EHD4: variants seen among roughly 807,000 people sequenced by gnomAD.
EHD4 encodes EH domain containing 4, also known as EH domain-containing protein 4.
In EHD4, 37 loss-of-function variants were observed where a neutral mutation model predicts 51.0. The ratio of observed to expected loss-of-function variants is 0.73; its 90% confidence interval spans 0.56 to 0.95. EHD4 has a LOEUF of 0.95. Among genes scored for constraint, EHD4 ranks in the 40% least tolerant of loss-of-function variants. EHD4 has a pLI of 0.00. For missense variants in EHD4, 632 were observed against 733.1 expected (o/e 0.86, Z 1.59); for synonymous variants, 297 against 317.3 (o/e 0.94, Z 0.68).
chr15:41,952,716 G>A (rs2067860270), intron 2 of EHD4, among the ~76,000 whole-genome samples: 1 of 152,150 alleles, frequency 6.6e-6, no homozygotes, highest in Non-Finnish European at 1.5e-5. Flanking sequence ...TAGGCTGGGT[G>A]TGGTGGCTCA....
chr15:41,913,438 G>A (rs1289022972), intron 4 of EHD4, among the ~76,000 whole-genome samples: 1 of 152,234 alleles, frequency 6.6e-6, no homozygotes, highest in Non-Finnish European at 1.5e-5. Flanking sequence ...TAGACCTGGA[G>A]CTTGAAGATG....
intron 1 of EHD4, among the ~76,000 whole-genome samples, chr15:41,970,253 A>G (rs1049024530): frequency 2.0e-5 from 3 of 152,180 alleles, no homozygotes; most frequent in African/African-American, 7.2e-5. Context: ...ATTTTCTTCT[A>G]ACCTCACTGG....
intron 3 of EHD4, among the ~76,000 whole-genome samples, chr15:41,931,028 G>A (rs1332883883): frequency 5.9e-5 from 9 of 152,102 alleles, no homozygotes; most frequent in African/African-American, 2.2e-4. Flanking sequence ...CTTCTACAGT[G>A]GCATTTTTGG....
At chr15:41,949,096 A>T (rs2141002596) in intron 2 of EHD4, among the ~76,000 whole-genome samples, 1 of 147,198 alleles carries the variant, frequency 6.8e-6, no homozygotes, top group Non-Finnish European at 1.5e-5. Flanking sequence ...TTGGCCAGGC[A>T]TGGTGGCTCA....
chr15:41,968,004 G>A (rs961736224), intron 1 of EHD4, among the ~76,000 whole-genome samples: 3 of 152,132 alleles, frequency 2.0e-5, no homozygotes, highest in African/African-American at 7.2e-5. Context: ...TGCCATCTCT[G>A]GGGCATTTTC....
At chr15:41,906,519 A>G (rs918470177) in intron 5 of EHD4, among the ~76,000 whole-genome samples, 2 of 152,190 alleles carry the variant, frequency 1.3e-5, no homozygotes, top group Non-Finnish European at 2.9e-5. Flanking sequence ...GGACCCACCA[A>G]ACGCAGGTAC....
chr15:41,929,701 C>G (rs1390358573), intron 3 of EHD4, among the ~76,000 whole-genome samples: 6 of 152,220 alleles, frequency 3.9e-5, no homozygotes, highest in Non-Finnish European at 1.5e-5. Context: ...TTTCATTCTG[C>G]TGGGCCTCAG....
intron 3 of EHD4, among the ~76,000 whole-genome samples, chr15:41,939,539 A>T (rs1416340706): frequency 6.6e-6 from 1 of 152,108 alleles, no homozygotes; most frequent in Non-Finnish European, 1.5e-5. Context: ...TTATCATTTT[A>T]ACATTTATAT....
chr15:41,953,173 T>C (rs2067864453), intron 2 of EHD4, among the ~76,000 whole-genome samples: 1 of 151,716 alleles, frequency 6.6e-6, no homozygotes, highest in African/African-American at 2.4e-5. Context: ...GTGGGTAAAA[T>C]CCGAGTGTCC....
At chr15:41,962,722 C>T (rs1172249431) in intron 1 of EHD4, among the ~76,000 whole-genome samples, 4 of 152,054 alleles carry the variant, frequency 2.6e-5, no homozygotes, top group East Asian at 1.9e-4. Flanking sequence ...AGGTGGGGGG[C>T]GCCTCTGCCC....
chr15:41,904,202 C>T (rs973659727), intron 5 of EHD4, among the ~76,000 whole-genome samples: 1 of 152,204 alleles, frequency 6.6e-6, no homozygotes, highest in African/African-American at 2.4e-5. Flanking sequence ...CCTGCCCAAA[C>T]TTCCCACCAG....
At chr15:41,958,298 C>T (rs1383184734) in intron 1 of EHD4, among the ~76,000 whole-genome samples, 1 of 152,000 alleles carries the variant, frequency 6.6e-6, no homozygotes, top group African/African-American at 2.4e-5. Context: ...AAGCCAGCCA[C>T]ATAAAAAGGT....
rs1042010593 is a variant in EHD4 at position 41,931,212 on chromosome 15, G to C, written c.512-11590C>G. ...TTTATCATGTCCAACATGTTGTTTT[G>C]AAATATGTATACACTGAGGCTGGGT... On this transcript the variant is annotated intron_variant, in intron 3 of 5. Coordinates refer to ENST00000220325, the MANE Select transcript of EHD4 (RefSeq NM_139265.4). Among the ~76,000 whole-genome samples, 4 of 152,092 alleles carry C rather than the reference G, an allele frequency of 2.6e-5. No individual in the cohort carries two copies. The South Asian group carries it at 6.2e-4, about 24-fold the overall frequency.
chr15:41,962,430 A>C (rs2141008927), intron 1 of EHD4, among the ~76,000 whole-genome samples: 1 of 152,248 alleles, frequency 6.6e-6, no homozygotes, highest in East Asian at 1.9e-4. Context: ...ATAACACGAG[A>C]CAAAGGTCCT....
rs1318266345 is a variant in EHD4, at chr15:41,907,854, GTGTGTGTGTGTGTGTGTATA to G, written c.1089+1825_1089+1844del. Reference sequence around the variant, plus strand: ...TGTGTGTGTGTGTGTGTGTGTGTGTGTGTGTGTGTGTGTGTGTATATATTTATTTATTTTTTGAGATGGGG... The same window carrying G: ...TGTGTGTGTGTGTGTGTGTGTGTGTGTATTTATTTATTTTTTGAGATGGGG... On this transcript the variant is annotated intron_variant, in intron 5 of 5. Transcript: ENST00000220325. Among the ~76,000 whole-genome samples the G allele has an allele frequency of 2.1e-4, 22 of 102,968 alleles. No homozygotes were observed. The South Asian group carries it at 2.4e-3, about 11-fold the overall frequency. 67.6% of individuals were successfully genotyped at this position (102,968 alleles called of 152,430 possible).
intron 3 of EHD4, among the ~76,000 whole-genome samples, chr15:41,936,113 C>T (rs1284720456): frequency 1.3e-5 from 2 of 152,222 alleles, no homozygotes; most frequent in African/African-American, 4.8e-5. Flanking sequence ...TGCAGGGCTT[C>T]TTATGACCTA....
At chr15:41,914,039 G>GT (rs1435837149) in intron 4 of EHD4, among the ~76,000 whole-genome samples, 11 of 113,750 alleles carry the variant, frequency 9.7e-5, no homozygotes, top group Non-Finnish European at 1.3e-4. Flanking sequence ...TGTGTCCAAT[G>GT]ATGTGTGTGT....
chr15:41,935,969 T>A (rs2067729091), intron 3 of EHD4, among the ~76,000 whole-genome samples: 1 of 152,212 alleles, frequency 6.6e-6, no homozygotes, highest in South Asian at 2.1e-4. Flanking sequence ...TGGCCTCTCC[T>A]TGTGACTAGC....
intron 3 of EHD4, among the ~76,000 whole-genome samples, chr15:41,925,378 C>T (rs2067654649): frequency 6.6e-6 from 1 of 152,196 alleles, no homozygotes; most frequent in Non-Finnish European, 1.5e-5. Context: ...GAAAACCTCT[C>T]ATGGTGACAG....
Sources: allele counts gnomAD v4.1 joint callset (sites outside exome capture counted in the v4.1 genomes callset), GRCh38; gene constraint gnomAD v4.1.1; transcripts MANE v1.5; gene names NCBI Gene and HGNC (gene_info 2026-07-23, HGNC 2026-07-21).